The following CNTNAP2 variants were observed in gnomAD, a reference collection of about 807,000 sequenced individuals.
CNTNAP2 encodes contactin associated protein 2, also known as contactin-associated protein-like 2.
Under a neutral mutation model 155.2 loss-of-function variants are expected in CNTNAP2, and 98 were observed. The ratio of observed to expected loss-of-function variants is 0.63; its 90% CI spans 0.54 to 0.75. CNTNAP2 has a LOEUF of 0.75. Among genes scored for constraint, CNTNAP2 ranks in the 30% least tolerant of loss-of-function variants. CNTNAP2 has a pLI of 0.00. For missense variants in CNTNAP2, 1,727 were observed against 1,688.1 expected, an observed-to-expected ratio of 1.02 and a Z score of -0.40; for synonymous variants, 651 against 631.2, an observed-to-expected ratio of 1.03 and a Z score of -0.47.
intron 10 of CNTNAP2, among the ~76,000 whole-genome samples, chr7:147,471,597 A>C (rs1200310570): frequency 6.6e-6 from 1 of 152,198 alleles, no homozygotes; most frequent in African/African-American, 2.4e-5. Flanking sequence ...AATATGCCAA[A>C]ATATTTTAAA....
intron 1 of CNTNAP2, among the ~76,000 whole-genome samples, chr7:146,652,385 T>C (rs976514568): frequency 6.6e-6 from 1 of 152,178 alleles, no homozygotes; most frequent in African/African-American, 2.4e-5. Context: ...GTTTTCATTA[T>C]TTATTTGCGA....
intron 8 of CNTNAP2, among the ~76,000 whole-genome samples, chr7:147,230,218 G>A (rs529479147): frequency 1.3e-5 from 2 of 151,902 alleles, no homozygotes; most frequent in East Asian, 3.9e-4. Context: ...GTTTTTCAAA[G>A]CCTCAGTTAC....
At chr7:147,567,910 A>T (rs1379212084) in intron 12 of CNTNAP2, among the ~76,000 whole-genome samples, 2 of 152,048 alleles carry the variant, frequency 1.3e-5, no homozygotes, top group Admixed American at 6.6e-5. Context: ...ACATGGCGAA[A>T]CCCCGTCTCT....
At chr7:146,588,510 T>C (rs1798731122) in intron 1 of CNTNAP2, among the ~76,000 whole-genome samples, 2 of 81,136 alleles carry the variant, frequency 2.5e-5, no homozygotes, top group African/African-American at 5.1e-5. Context: ...TTACAGCTTA[T>C]TATATGTATT....
chr7:146,416,038 A>G (rs967995373), intron 1 of CNTNAP2, among the ~76,000 whole-genome samples: 2 of 151,980 alleles, frequency 1.3e-5, no homozygotes, highest in African/African-American at 4.8e-5. Context: ...ATTTGAGTTA[A>G]TTACAAAGTA....
At chr7:147,516,562 C>T (rs1033154064) in intron 11 of CNTNAP2, among the ~76,000 whole-genome samples, 3 of 151,926 alleles carry the variant, frequency 2.0e-5, no homozygotes. Flanking sequence ...GATGTATGTG[C>T]AATAGTTTTT....
chr7:146,559,226 CAT>C (rs890544384), intron 1 of CNTNAP2, among the ~76,000 whole-genome samples: 3 of 151,792 alleles, frequency 2.0e-5, no homozygotes, highest in Non-Finnish European at 2.9e-5. Flanking sequence ...CACACACACA[CAT>C]ATATATCACA....
chr7:146,785,905 A>G (rs1280101162), intron 2 of CNTNAP2, among the ~76,000 whole-genome samples: 1 of 152,212 alleles, frequency 6.6e-6, no homozygotes, highest in East Asian at 1.9e-4. Flanking sequence ...TGGGTAACAG[A>G]ATACATTGTA....
intron 12 of CNTNAP2, among the ~76,000 whole-genome samples, chr7:147,570,684 A>G (rs557135033): frequency 6.6e-6 from 1 of 152,156 alleles, no homozygotes; most frequent in Non-Finnish European, 1.5e-5. Context: ...GGGTAATACT[A>G]TTGTTCTCCC....
intron 12 of CNTNAP2, among the ~76,000 whole-genome samples, chr7:147,614,496 G>A (rs1353950050): frequency 2.6e-5 from 4 of 151,696 alleles, no homozygotes; most frequent in Non-Finnish European, 4.4e-5. Context: ...AAATATAATT[G>A]ATTTTTGTAT....
At chr7:147,261,875 A>G (rs1439857434) in intron 8 of CNTNAP2, among the ~76,000 whole-genome samples, 1 of 152,216 alleles carries the variant, frequency 6.6e-6, no homozygotes, top group Non-Finnish European at 1.5e-5. Context: ...CATCTGTTCA[A>G]GTAAAACTGG....
intron 9 of CNTNAP2, among the ~76,000 whole-genome samples, chr7:147,340,371 C>A (rs1160856485): frequency 6.6e-6 from 1 of 152,120 alleles, no homozygotes; most frequent in African/African-American, 2.4e-5. Context: ...TACATACCCC[C>A]AAGCAACTCC....
rs959919954 is a variant in CNTNAP2, at chr7:148,276,951, T to G, written c.3475+9825T>G. 9.2e-5 allele frequency among the ~76,000 whole-genome samples: 14 copies of G among 152,360 alleles called. No individual in the cohort carries two copies. The East Asian group carries it at 2.5e-3, about 27-fold the overall frequency. On this transcript the variant is annotated intron_variant, in intron 21 of 23. Transcript: ENST00000361727. ...TTCTGGGTAGCAAAGGCAAATAAGC[T>G]AAACATCCAGGCTGGTTTAAAGCTG...
chr7:147,519,930 A>G (rs1799203586), intron 11 of CNTNAP2, among the ~76,000 whole-genome samples: 1 of 152,196 alleles, frequency 6.6e-6, no homozygotes, highest in African/African-American at 2.4e-5. Context: ...CAGAAATTAG[A>G]AAGCATTATG....
intron 13 of CNTNAP2, among the ~76,000 whole-genome samples, chr7:147,860,483 G>A (rs780272351): frequency 6.6e-5 from 10 of 151,268 alleles, no homozygotes; most frequent in East Asian, 2.0e-4. Context: ...CCAGCTACTC[G>A]GGAAGCTGAG....
chr7:146,558,630 G>A (rs1233565433), intron 1 of CNTNAP2, among the ~76,000 whole-genome samples: 1 of 151,932 alleles, frequency 6.6e-6, no homozygotes, highest in Non-Finnish European at 1.5e-5. Context: ...TAATATAAGA[G>A]GTACATTCTT....
chr7:146,686,000 G>GA lies in CNTNAP2; in HGVS notation c.98-88264dup, dbSNP rs887328282. Among the ~76,000 whole-genome samples the GA allele has an allele frequency of 4.3e-3, 659 of 152,082 alleles. 6 individuals are homozygous for GA. The highest frequency in any genetic ancestry group is 0.015 in the African/African-American group (615 of 41,490). On this transcript the variant is annotated intron_variant, in intron 1 of 23. Transcript: ENST00000361727. ...AGTGTAATATTGACCTTGGGATTCA[G>GA]AAAAAAATATTCCAGGTGAGGCATG...
chr7:147,124,468 A>G (rs1801191945), intron 6 of CNTNAP2, among the ~76,000 whole-genome samples: 2 of 152,170 alleles, frequency 1.3e-5, no homozygotes, highest in South Asian at 4.1e-4. Context: ...CATGGTGCGA[A>G]TTTCCCACCA....
intron 3 of CNTNAP2, among the ~76,000 whole-genome samples, chr7:146,987,907 A>G (rs558987537): frequency 6.6e-6 from 1 of 152,226 alleles, no homozygotes; most frequent in Admixed American, 6.5e-5. Flanking sequence ...TGTAAAAATG[A>G]AATAAGATAA....
Sources: allele counts gnomAD v4.1 joint callset (sites outside exome capture counted in the v4.1 genomes callset), GRCh38; gene constraint gnomAD v4.1.1; transcripts MANE v1.5; gene names NCBI Gene and HGNC (gene_info 2026-07-23, HGNC 2026-07-21).